The following RAB38 variants were observed in gnomAD, a reference collection of about 807,000 sequenced individuals.
The protein encoded by RAB38 is ras-related protein Rab-38.
Under a neutral mutation model 18.4 loss-of-function variants are expected in RAB38, and 15 were observed. The ratio of observed to expected loss-of-function variants is 0.82; its 90% CI spans 0.55 to 1.26. The LOEUF (loss-of-function observed/expected upper bound fraction) is 1.26. Among genes scored for constraint, RAB38 ranks in the 50% most tolerant of loss-of-function variants. The pLI, the probability that RAB38 is intolerant of heterozygous loss-of-function variation, is 0.00. For synonymous variants in RAB38, 101 were observed against 104.4 expected (o/e 0.97, Z 0.20); for missense variants, 294 against 267.4 (o/e 1.10, Z -0.69).
chr11:88,113,757 A>G lies in RAB38; in HGVS notation c.*231T>C. ...AGGATTTTGGTCAGCTACATGACAG[A>G]AGTTTGTAACAGACTAAATATTTTC... is the stretch of plus-strand genomic sequence containing the variant. On this transcript the variant is annotated 3_prime_UTR_variant, in exon 3 of 3. Transcript: ENST00000243662. The G allele has an allele frequency of 1.9e-6, 1 of 513,138 alleles. No homozygotes were observed. Among genetic ancestry groups the G allele is most frequent in the Non-Finnish European group, 3.4e-6 (1 of 296,926 alleles). The allele number at this position is 513,138 out of a possible 1,614,324, so 31.8% of individuals were successfully genotyped here. A position where few individuals can be genotyped will look rare whatever the true frequency, so the allele number is the denominator to read the frequency against.
chr11:87,885,653 T>C, the RAB38 span, among the ~76,000 whole-genome samples: 1 of 152,010 alleles, frequency 6.6e-6, no homozygotes, highest in African/African-American at 2.4e-5. Context: ...TTGGCTGATG[T>C]GAGCAGATGT....
chr11:88,103,559 T>G, the RAB38 span, among the ~76,000 whole-genome samples: 49 of 152,258 alleles, frequency 3.2e-4, no homozygotes, highest in Admixed American at 3.2e-3. Context: ...AGTAGCTTTA[T>G]AGAGTCACCT....
At chr11:88,166,598 A>G (rs1416800497) in intron 1 of RAB38, 2 of 152,092 alleles carry the variant, frequency 1.3e-5, no homozygotes, top group Non-Finnish European at 2.9e-5. Flanking sequence ...TCACGAAGTT[A>G]TTATTTTATA....
At chr11:87,976,113 C>CAT in the RAB38 span, among the ~76,000 whole-genome samples, 32 of 145,492 alleles carry the variant, frequency 2.2e-4, no homozygotes, top group East Asian at 6.2e-3. Context: ...TATATGTGTG[C>CAT]GTGTAAATAT....
At chr11:88,038,585 C>T in the RAB38 span, among the ~76,000 whole-genome samples, 1 of 152,170 alleles carries the variant, frequency 6.6e-6, no homozygotes, top group Non-Finnish European at 1.5e-5. Flanking sequence ...ACTAAACTTA[C>T]TGGTTTTCTT....
At chr11:87,925,344 A>C in the RAB38 span, among the ~76,000 whole-genome samples, 4 of 152,190 alleles carry the variant, frequency 2.6e-5, no homozygotes, top group South Asian at 8.3e-4. Context: ...TTATTTTTCT[A>C]CGAATATTTA....
At chr11:87,929,528 T>G in the RAB38 span, among the ~76,000 whole-genome samples, 1 of 151,726 alleles carries the variant, frequency 6.6e-6, no homozygotes, top group Admixed American at 6.6e-5. Flanking sequence ...AGCTACAGTT[T>G]ATTTTAGCTA....
the RAB38 span, among the ~76,000 whole-genome samples, chr11:88,063,453 G>A: frequency 6.6e-6 from 1 of 152,134 alleles, no homozygotes; most frequent in Non-Finnish European, 1.5e-5. Context: ...TGCATGAAGA[G>A]AAACTTCTTT....
chr11:88,071,331 T>C, the RAB38 span, among the ~76,000 whole-genome samples: 1 of 152,010 alleles, frequency 6.6e-6, no homozygotes, highest in Non-Finnish European at 1.5e-5. Flanking sequence ...CACCTGCCTA[T>C]GATGTACGGT....
At chr11:87,974,347 C>T in the RAB38 span, among the ~76,000 whole-genome samples, 1 of 149,148 alleles carries the variant, frequency 6.7e-6, no homozygotes, top group Non-Finnish European at 1.5e-5. Flanking sequence ...AAAACCATAA[C>T]CCTGAAAGAA....
chr11:87,974,112 G>A, the RAB38 span, among the ~76,000 whole-genome samples: 2 of 151,864 alleles, frequency 1.3e-5, no homozygotes, highest in Non-Finnish European at 2.9e-5. Context: ...CAAAGAAGGA[G>A]GCAAATGAGA....
At chr11:87,835,294 G>T in the RAB38 span, among the ~76,000 whole-genome samples, 1 of 151,930 alleles carries the variant, frequency 6.6e-6, no homozygotes, top group African/African-American at 2.4e-5. Flanking sequence ...CTGTGTGGTG[G>T]GTACTGTCAC....
At chr11:87,924,874 TTG>T in the RAB38 span, among the ~76,000 whole-genome samples, 9 of 151,942 alleles carry the variant, frequency 5.9e-5, no homozygotes, top group Non-Finnish European at 1.5e-5. Context: ...CAAATGTGTG[TTG>T]TGTGTATGTG....
chr11:88,118,302 C>G (rs1942584272), intron 2 of RAB38, among the ~76,000 whole-genome samples: 1 of 152,212 alleles, frequency 6.6e-6, no homozygotes, highest in Admixed American at 6.5e-5. Flanking sequence ...ATATACCAAT[C>G]AGGTCATGGC....
At chr11:88,107,980 G>A in the RAB38 span, among the ~76,000 whole-genome samples, 1 of 152,130 alleles carries the variant, frequency 6.6e-6, no homozygotes, top group Non-Finnish European at 1.5e-5. Context: ...TGTGGTCTGA[G>A]AGACTTGTTT....
At chr11:87,848,314 T>C in the RAB38 span, among the ~76,000 whole-genome samples, 15 of 152,280 alleles carry the variant, frequency 9.9e-5, no homozygotes, top group Admixed American at 3.3e-4. Flanking sequence ...AAGCATATCC[T>C]TTCATGCTGG....
chr11:87,965,454 A>G, the RAB38 span, among the ~76,000 whole-genome samples: 2 of 152,168 alleles, frequency 1.3e-5, no homozygotes, highest in Non-Finnish European at 2.9e-5. Context: ...TGAATTTGAG[A>G]GAGGAATCAT....
the RAB38 span, among the ~76,000 whole-genome samples, chr11:87,851,040 G>T: frequency 6.6e-6 from 1 of 152,180 alleles, no homozygotes; most frequent in African/African-American, 2.4e-5. Context: ...GCGGTCCCCC[G>T]TTCCCCTCAG....
At chr11:87,974,019 G>A in the RAB38 span, among the ~76,000 whole-genome samples, 243 of 151,926 alleles carry the variant, frequency 1.6e-3, 1 homozygote, top group African/African-American at 5.4e-3. Context: ...GAAAAAACAA[G>A]CACTTTTTAA....
Sources: gnomAD v4.1 joint callset for allele counts (sites outside exome capture counted in the v4.1 genomes callset) on GRCh38, gnomAD v4.1.1 for gene constraint, MANE v1.5 for transcripts, NCBI Gene and HGNC (gene_info 2026-07-23, HGNC 2026-07-21) for gene names.